The following ICA1 variants were observed in gnomAD, a reference collection of about 807,000 sequenced individuals.
ICA1 encodes 69 kDa islet cell autoantigen.
A neutral mutation model predicts 71.0 loss-of-function variants in ICA1; 40 were observed. The ratio of observed to expected loss-of-function variants is 0.56; its 90% CI spans 0.44 to 0.73. ICA1 has a LOEUF of 0.73. Among genes scored for constraint, ICA1 ranks in the 30% least tolerant of loss-of-function variants. ICA1 has a pLI of 0.00. For missense variants in ICA1, 578 were observed against 576.5 expected, an observed-to-expected ratio of 1.00 and a Z score of -0.03; for synonymous variants, 207 against 209.5, an observed-to-expected ratio of 0.99 and a Z score of 0.10.
rs182020585 is a variant in ICA1 at position 8,158,141 on chromosome 7, G to A, written c.705+386C>T. 2.2e-3 allele frequency among the ~76,000 whole-genome samples: 342 copies of A among 152,318 alleles called. 2 individuals carry two copies. The highest frequency in any genetic ancestry group is 3.8e-3 in the Non-Finnish European group (258 of 68,018). ...ACAATGCATTGAATACTGACAACCT[G>A]ATGAGAAAGATATGCCACGAGATGG... On this transcript the variant is annotated intron_variant, in intron 7 of 13. Coordinates refer to ENST00000402384, the MANE Select transcript of ICA1 (RefSeq NM_001136020.3).
intron 1 of ICA1, among the ~76,000 whole-genome samples, chr7:8,247,486 AC>A (rs947141172): frequency 1.3e-5 from 2 of 152,088 alleles, no homozygotes; most frequent in Admixed American, 6.6e-5. Context: ...AAGAAAAAAA[AC>A]AAAACAAGCC....
At chr7:8,121,279 T>TCCAGCCAG (rs971865483) in intron 13 of ICA1, among the ~76,000 whole-genome samples, 3 of 152,098 alleles carry the variant, frequency 2.0e-5, no homozygotes, top group Non-Finnish European at 2.9e-5. Context: ...TTGCCTGCCA[T>TCCAGCCAG]CCAGCCAGCC....
intron 6 of ICA1, among the ~76,000 whole-genome samples, chr7:8,193,601 A>G (rs1167162549): frequency 6.6e-6 from 1 of 152,246 alleles, no homozygotes; most frequent in Non-Finnish European, 1.5e-5. Flanking sequence ...AATCAGTAAG[A>G]AAATGGTGGT....
rs78767096 is a variant in ICA1 at position 8,180,681 on chromosome 7, G to A, written c.580-22029C>T. ...TCAGTCCTTTAAATTTTAGCCATTGGGTGGGTTTTATTTACTATTTCCCTG... is the reference window on the plus strand; with the variant it reads ...TCAGTCCTTTAAATTTTAGCCATTGAGTGGGTTTTATTTACTATTTCCCTG... On this transcript the variant is annotated intron_variant, in intron 6 of 13. Coordinates refer to ENST00000402384, the MANE Select transcript of ICA1 (RefSeq NM_001136020.3). Among the ~76,000 whole-genome samples, 1,317 of 152,060 alleles carry A rather than the reference G, an allele frequency of 8.7e-3. 27 individuals carry two copies. Among genetic ancestry groups the A allele is most frequent in the East Asian group, 0.077 (398 of 5,180 alleles).
At chr7:8,230,466 C>T (rs1799935608) in intron 3 of ICA1, among the ~76,000 whole-genome samples, 1 of 152,170 alleles carries the variant, frequency 6.6e-6, no homozygotes, top group African/African-American at 2.4e-5. Flanking sequence ...TAAACATCAA[C>T]ATCAGTATTA....
At chr7:8,155,531 C>T (rs182130077) in intron 8 of ICA1, among the ~76,000 whole-genome samples, 1 of 152,106 alleles carries the variant, frequency 6.6e-6, no homozygotes, top group Non-Finnish European at 1.5e-5. Context: ...GCAACTAACT[C>T]ATGCCTGAAG....
chr7:8,132,436 T>C lies in ICA1; in HGVS notation c.1061-4294A>G, dbSNP rs1449281891. On this transcript the variant is annotated intron_variant, in intron 12 of 13. Transcript: ENST00000402384. The surrounding 1 kb of genome is among the most constrained non-coding windows in gnomAD (Gnocchi z 4.5). ...TTCTTCCTTCCACAACCACATACTC[T>C]ACTTTGGCTCTACTCTTTTCTCAGC... Among the ~76,000 whole-genome samples, 6 of 152,216 alleles carry C rather than the reference T, an allele frequency of 3.9e-5. No individual in the cohort carries two copies. The highest frequency in any genetic ancestry group is 8.8e-5 in the Non-Finnish European group (6 of 68,036).
intron 1 of ICA1, among the ~76,000 whole-genome samples, chr7:8,261,054 A>G (rs758333300): frequency 5.3e-5 from 8 of 152,194 alleles, no homozygotes; most frequent in Non-Finnish European, 1.0e-4. Flanking sequence ...ATCACTCCCA[A>G]GCAAGCTGGT....
chr7:8,147,088 A>G (rs992158151), intron 8 of ICA1, among the ~76,000 whole-genome samples: 43 of 151,660 alleles, frequency 2.8e-4, no homozygotes, highest in African/African-American at 1.0e-3. Flanking sequence ...TTATCAATCA[A>G]CGCTAGGCAG....
chr7:8,188,780 C>T (rs1784643089), intron 6 of ICA1, among the ~76,000 whole-genome samples: 1 of 152,120 alleles, frequency 6.6e-6, no homozygotes, highest in African/African-American at 2.4e-5. Flanking sequence ...TTGGCCATGG[C>T]TCCCTAGGGC....
chr7:8,115,774 C>T lies in ICA1; in HGVS notation c.1331-1730G>A, dbSNP rs373475517. Among the ~76,000 whole-genome samples, 16 of 152,348 alleles carry T rather than the reference C, an allele frequency of 1.1e-4. No individual in the cohort carries two copies. The East Asian group carries it at 1.7e-3, about 17-fold the overall frequency. ...TGCAAACACAGATGATATCTTCAGT[C>T]GAGCAGAGGCTCCCTTGGGGGACCT... On this transcript the variant is annotated intron_variant, in intron 13 of 13. Coordinates refer to ENST00000402384, the MANE Select transcript of ICA1 (RefSeq NM_001136020.3).
intron 6 of ICA1, 48 bp from the exon 7 acceptor site, chr7:8,158,700 G>C: frequency 3.2e-6 from 5 of 1,587,292 alleles, no homozygotes; most frequent in Non-Finnish European, 4.3e-6. Flanking sequence ...CCTTAAGTAG[G>C]TAAAATTTGC....
intron 1 of ICA1, among the ~76,000 whole-genome samples, chr7:8,249,181 G>C (rs1278433942): frequency 2.6e-5 from 4 of 152,286 alleles, no homozygotes; most frequent in African/African-American, 9.6e-5. Flanking sequence ...CAGGGTTTGA[G>C]GGGCACAGAA....
Position 8,222,776 on chromosome 7 carries a change from T to C in ICA1, c.257-1378A>G, listed in dbSNP as rs1797516815. On this transcript the variant is annotated intron_variant, in intron 4 of 13. Transcript: ENST00000402384. The surrounding 1 kb of genome is among the most constrained non-coding windows in gnomAD (Gnocchi z 4.8). The stretch of plus-strand genomic sequence containing the variant: ...ATCAAAGGCCTGCTCGCAGGTTCCT[T>C]TCTCTGTGAAGCAATTGATCCCTAT... Among the ~76,000 whole-genome samples, 1 of 152,172 alleles carries C rather than the reference T, an allele frequency of 6.6e-6. No individual in the cohort carries two copies. The highest frequency in any genetic ancestry group is 2.4e-5 in the African/African-American group (1 of 41,448).
At chr7:8,258,269 G>A (rs1429290131) in intron 1 of ICA1, among the ~76,000 whole-genome samples, 1 of 152,196 alleles carries the variant, frequency 6.6e-6, no homozygotes, top group East Asian at 1.9e-4. Context: ...TTAGCACAGT[G>A]TGTAGCTCAT....
rs567161211 is a variant in ICA1 at position 8,195,970 on chromosome 7, T to A, written c.579+22335A>T. ...TCCAGCCTGGGCAACAGAGTGAGGC[T>A]CCGTCTCACAACAACAACAACAACA... On this transcript the variant is annotated intron_variant, in intron 6 of 13. Transcript: ENST00000402384. Among the ~76,000 whole-genome samples, 3 of 145,850 alleles carry A rather than the reference T, an allele frequency of 2.1e-5. No individual in the cohort carries two copies. The South Asian group carries it at 7.0e-4, about 34-fold the overall frequency.
chr7:8,255,742 T>A (rs1343681593), intron 1 of ICA1, among the ~76,000 whole-genome samples: 1 of 151,800 alleles, frequency 6.6e-6, no homozygotes, highest in East Asian at 1.9e-4. Context: ...GCACTAAATG[T>A]ACTGAATGGC....
intron 1 of ICA1, 124 bp downstream of exon 1, chr7:8,261,970 C>G (rs1812660308): frequency 6.6e-6 from 1 of 152,358 alleles, no homozygotes; most frequent in Admixed American, 6.5e-5. Flanking sequence ...TCACGCGCCG[C>G]CCGCGGAGGG....
At chr7:8,207,681 A>G (rs1251806137) in intron 6 of ICA1, among the ~76,000 whole-genome samples, 1 of 152,214 alleles carries the variant, frequency 6.6e-6, no homozygotes, top group Non-Finnish European at 1.5e-5. Context: ...TAGTGAACAG[A>G]GCTCCTGCTG....
Sources: gnomAD v4.1 joint callset for allele counts (sites outside exome capture counted in the v4.1 genomes callset) on GRCh38, gnomAD v4.1.1 for gene constraint, Gnocchi (gnomAD v3.1) non-coding constraint, MANE v1.5 for transcripts, NCBI Gene and HGNC (gene_info 2026-07-23, HGNC 2026-07-21) for gene names.